Variants in FHOD1 observed in about 807,000 individuals in gnomAD.
FHOD1 encodes FH1/FH2 domain-containing protein 1.
In FHOD1, 89 loss-of-function variants were observed where a neutral mutation model predicts 111.6. That is an observed-to-expected ratio of 0.80 (90% CI 0.67 to 0.95). The LOEUF (loss-of-function observed/expected upper bound fraction) is 0.95. Among genes scored for constraint, FHOD1 ranks in the 40% least tolerant of loss-of-function variants. The pLI is 0.00. For synonymous variants in FHOD1, 618 were observed against 639.0 expected, an observed-to-expected ratio of 0.97 and a Z score of 0.50; for missense variants, 1,446 against 1,554.2, an observed-to-expected ratio of 0.93 and a Z score of 1.17.
chr16:67,238,908 A>G lies in FHOD1; in HGVS notation c.368T>C (p.Ile123Thr). 1 of 1,614,188 alleles carries G rather than the reference A, an allele frequency of 6.2e-7. No individual in the cohort carries two copies. Among genetic ancestry groups the G allele is most frequent in the Non-Finnish European group, 8.5e-7 (1 of 1,180,008 alleles). ...RTQLSVRVNA[I>T]LEKLYSSSGP... ...GGATGCTCTCACACACTCACCCAAG[A>G]TAGCGTTGACCCTCACAGAGAGCTG... Residue 123 changes from isoleucine to threonine, a missense_variant, in exon 3 of 22, where the codon ATC (isoleucine) becomes ACC (threonine). Physicochemically the swap from Ile to Thr is moderately conservative, Grantham distance 89. This residue lies in a region of FHOD1 where 234 missense variants were observed against 327.4 expected (regional missense o/e 0.71). Transcript: ENST00000258201. The surrounding 1 kb of genome is among the most constrained non-coding windows in gnomAD (Gnocchi z 4.2).
chr16:67,247,476 C>A lies in FHOD1; in HGVS notation c.-66G>T. On this transcript the variant is annotated 5_prime_UTR_variant, in exon 1 of 22. Transcript: ENST00000258201. Reference sequence around the variant, plus strand: ...GCCCCAGTGCAGCTTCTACTCAAAGCACACTGTAGCTCCGCGGTTCGGGCC... The same window carrying A: ...GCCCCAGTGCAGCTTCTACTCAAAGAACACTGTAGCTCCGCGGTTCGGGCC... The A allele has an allele frequency of 5.2e-6, 8 of 1,531,512 alleles. No individual in the cohort carries two copies. The highest frequency in any genetic ancestry group is 6.2e-6 in the Non-Finnish European group (7 of 1,126,642). 94.9% of individuals were successfully genotyped at this position (1,531,512 alleles called of 1,614,324 possible). A position where few individuals can be genotyped will look rare whatever the true frequency, so the allele number is the denominator to read the frequency against.
Position 67,237,129 on chromosome 16 carries a change from C to G in FHOD1, c.994-15G>C, listed in dbSNP as rs2034515266. Reference sequence around the variant, plus strand: ...TTCAGGGCGTTCTAGCAGAGGCGGACCAGGATGTAAGAAAGTGGTTAACGT... The same window carrying G: ...TTCAGGGCGTTCTAGCAGAGGCGGAGCAGGATGTAAGAAAGTGGTTAACGT... On this transcript the variant is annotated splice_polypyrimidine_tract_variant and intron_variant, in intron 9 of 21. Coordinates refer to ENST00000258201, the MANE Select transcript of FHOD1 (RefSeq NM_013241.3). The surrounding 1 kb of genome is among the most constrained non-coding windows in gnomAD (Gnocchi z 5.6). 3.1e-6 allele frequency: 5 copies of G among 1,605,388 alleles called. No homozygotes were observed. The African/African-American group carries it at 4.0e-5, about 13-fold the overall frequency.
chr16:67,245,167 T>C (rs545590053), intron 1 of FHOD1, among the ~76,000 whole-genome samples: 3 of 152,328 alleles, frequency 2.0e-5, no homozygotes, highest in South Asian at 2.1e-4. Flanking sequence ...TGTGGTAACC[T>C]AGTGTGCCAC....
Position 67,229,947 on chromosome 16 carries a change from G to A in FHOD1, c.3258C>T (p.Pro1086=). Residue 1086 remains proline (P), a synonymous_variant, in exon 21 of 22, where the codon CCC becomes CCT. Transcript: ENST00000258201. The part of the protein sequence containing the change: ...SSSPIMPTVG[P]STASPEEPPG... ...GGGGTTCTTCTGGGGATGCAGTGGA[G>A]GGCCCCACTGTGGGCATGATTGGGG... The A allele has an allele frequency of 2.5e-6, 4 of 1,614,222 alleles. No homozygotes were observed. Among genetic ancestry groups the A allele is most frequent in the Non-Finnish European group, 3.4e-6 (4 of 1,180,038 alleles).
At position 67,238,425 on chromosome 16, in the gene FHOD1, A is replaced by G. The variant is rs375840978; in HGVS notation, c.396T>C (p.Gly132=). Residue 132 remains glycine, a synonymous_variant, in exon 4 of 22, where the codon GGT becomes GGC. Transcript: ENST00000258201. The surrounding 1 kb of genome is among the most constrained non-coding windows in gnomAD (Gnocchi z 4.2). ...AILEKLYSSS[G]PELRRSLFSL... ...AGAAGAGGGAGCGGCGGAGCTCAGG[A>G]CCACTGGAGCTATACAGCTTTTCTG... 3.2e-5 allele frequency: 51 copies of G among 1,613,954 alleles called. No homozygotes were observed. The highest frequency in any genetic ancestry group is 4.2e-5 in the Non-Finnish European group (50 of 1,180,000).
intron 11 of FHOD1, 75 bp downstream of exon 11, chr16:67,236,482 G>C (rs754546948): frequency 1.6e-5 from 25 of 1,564,682 alleles, no homozygotes; most frequent in Non-Finnish European, 2.1e-5. Flanking sequence ...AGGAGGCTGA[G>C]TGCCCATGGA....
Position 67,240,530 on chromosome 16 carries a change from A to AAAAAC in FHOD1, c.202-1081_202-1077dup, listed in dbSNP as rs978830375. The stretch of plus-strand genomic sequence containing the variant: ...GGAGACAGAGTGAGACTCTGTCTCA[A>AAAAAC]AAAACAAAACAAAACAAAACACTTA... On this transcript the variant is annotated intron_variant, in intron 1 of 21. Coordinates refer to ENST00000258201, the MANE Select transcript of FHOD1 (RefSeq NM_013241.3). 5.9e-5 allele frequency among the ~76,000 whole-genome samples: 9 copies of AAAAAC among 152,324 alleles called. No homozygotes were observed. The South Asian group carries it at 6.2e-4, about 11-fold the overall frequency.
In FHOD1 at chr16:67,233,688, T is replaced by G; in HGVS notation, c.2015A>C (p.Glu672Ala). 6.2e-7 allele frequency: 1 copy of G among 1,605,378 alleles called. No individual in the cohort carries two copies. Among genetic ancestry groups the G allele is most frequent in the East Asian group, 2.2e-5 (1 of 44,592 alleles). Residue 672 changes from glutamate (E) to alanine (A), a missense_variant, in exon 13 of 22, where the codon GAG becomes GCG. This residue lies in a region of FHOD1 where 1,085 missense variants were observed against 1,108.8 expected (regional missense o/e 0.98). Coordinates refer to ENST00000258201, the MANE Select transcript of FHOD1 (RefSeq NM_013241.3). ...GGGCAGCACCTCTTTGGCACGAGAC[T>G]CAAAGAGGTGTTCCAGTCGGGCCGT... ...VDTARLEHLF[E>A]SRAKEVLPSK...
chr16:67,246,042 C>T (rs1567398347), intron 1 of FHOD1, among the ~76,000 whole-genome samples: 1 of 152,252 alleles, frequency 6.6e-6, no homozygotes, highest in African/African-American at 2.4e-5. Flanking sequence ...GTCCTGCATC[C>T]TTCCAGCCAT....
In FHOD1 at chr16:67,229,477, CACACACACTCACATGCAT is replaced by C. The variant is rs2034158006; in HGVS notation, c.*141_*158del. 1 of 669,030 alleles carries C rather than the reference CACACACACTCACATGCAT, an allele frequency of 1.5e-6. No homozygotes were observed. The highest frequency in any genetic ancestry group is 1.8e-5 in the African/African-American group (1 of 54,140). 41.4% of individuals were successfully genotyped at this position (669,030 alleles called of 1,614,324 possible). A position where few individuals can be genotyped will look rare whatever the true frequency, so the allele number is the denominator to read the frequency against. On this transcript the variant is annotated 3_prime_UTR_variant, in exon 22 of 22. Coordinates refer to ENST00000258201, the MANE Select transcript of FHOD1 (RefSeq NM_013241.3). ...GCATATGCATGCACACACACACATACACACACACTCACATGCATACACACACGGCTAATACTGCTCAAG... is the reference window on the plus strand; with the variant it reads ...GCATATGCATGCACACACACACATACACACACACGGCTAATACTGCTCAAG...
At position 67,231,037 on chromosome 16, in the gene FHOD1, G is replaced by A; in HGVS notation, c.2667+151C>T. 1.9e-6 allele frequency: 2 copies of A among 1,055,802 alleles called. No homozygotes were observed. The highest frequency in any genetic ancestry group is 1.6e-5 in the African/African-American group (1 of 62,520). The allele number at this position is 1,055,802 out of a possible 1,614,324, so 65.4% of individuals were successfully genotyped here. On this transcript the variant is annotated intron_variant, in intron 17 of 21. Transcript: ENST00000258201. The surrounding 1 kb of genome is among the most constrained non-coding windows in gnomAD (Gnocchi z 4.3). ...TGTGGCCAGGCCAATAGAGGAAAGA[G>A]CATTTCTGGCAGAGGGCATAGCTCA...
intron 13 of FHOD1, among the ~76,000 whole-genome samples, chr16:67,233,372 C>A (rs992738097): frequency 6.6e-6 from 1 of 152,130 alleles, no homozygotes; most frequent in Non-Finnish European, 1.5e-5. Context: ...AGGCATGAGC[C>A]ACTACACCCA....
At position 67,238,174 on chromosome 16, in the gene FHOD1, G is replaced by A. The variant is rs758098114; in HGVS notation, c.547+28C>T. 6 of 1,614,136 alleles carry A rather than the reference G, an allele frequency of 3.7e-6. No individual in the cohort carries two copies. The South Asian group carries it at 6.6e-5, about 18-fold the overall frequency. ...AGAGTCAGCGAGGGTCGCTGGAGCA[G>A]AGGTCATGGGAGAGGGGCGGGGCTG... On this transcript the variant is annotated intron_variant, in intron 5 of 21. Transcript: ENST00000258201. This position sits in a 1 kb window ranked among gnomAD's most constrained non-coding sequence, Gnocchi z 4.2.
chr16:67,245,076 A>C (rs529832304), intron 1 of FHOD1, among the ~76,000 whole-genome samples: 74 of 152,092 alleles, frequency 4.9e-4, no homozygotes, highest in Admixed American at 1.4e-3. Context: ...GTCATAGTTT[A>C]TATTTGGGTT....
chr16:67,234,327 C>A (rs1404487510), intron 12 of FHOD1, 30 bp downstream of exon 12: 1 of 1,605,008 alleles, frequency 6.2e-7, no homozygotes. Context: ...AAGCAACAGG[C>A]AGGCTCTGCC....
intron 1 of FHOD1, among the ~76,000 whole-genome samples, chr16:67,239,947 G>A (rs1323798034): frequency 6.6e-6 from 1 of 152,216 alleles, no homozygotes; most frequent in Non-Finnish European, 1.5e-5. Context: ...AAGATGGGAG[G>A]AAGTTCCTGC....
At position 67,236,415 on chromosome 16, in the gene FHOD1, C is replaced by T. The variant is rs1226153049; in HGVS notation, c.1319+142G>A. On this transcript the variant is annotated intron_variant, in intron 11 of 21. Coordinates refer to ENST00000258201, the MANE Select transcript of FHOD1 (RefSeq NM_013241.3). ...CACCCGCTGGCAGTCACTTACCAAA[C>T]GGAAGCAGTTTGGTGAAGTCTGGAA... 4.1e-6 allele frequency: 6 copies of T among 1,475,958 alleles called. No homozygotes were observed. The African/African-American group carries it at 4.2e-5, about 10-fold the overall frequency. 91.4% of individuals were successfully genotyped at this position (1,475,958 alleles called of 1,614,324 possible).
Position 67,229,486 on chromosome 16 carries a change from T to G in FHOD1, c.*150A>C. ...TGCACACACACACATACACACACAC[T>G]CACATGCATACACACACGGCTAATA... On this transcript the variant is annotated 3_prime_UTR_variant, in exon 22 of 22. Transcript: ENST00000258201. 1.4e-6 allele frequency: 1 copy of G among 695,098 alleles called. No homozygotes were observed. The highest frequency in any genetic ancestry group is 2.6e-6 in the Non-Finnish European group (1 of 385,162). The allele number at this position is 695,098 out of a possible 1,614,324, so 43.1% of individuals were successfully genotyped here.
At position 67,237,722 on chromosome 16, in the gene FHOD1, A is replaced by G; in HGVS notation, c.689T>C (p.Val230Ala). Residue 230 changes from valine (V) to alanine (A), a missense_variant, in exon 7 of 22, where the codon GTA becomes GCA. Around this residue, in one of 3 missense-constraint regions of FHOD1, gnomAD observed 234 missense variants for 327.4 expected, o/e 0.71. Transcript: ENST00000258201. This position sits in a 1 kb window ranked among gnomAD's most constrained non-coding sequence, Gnocchi z 5.6. The stretch of plus-strand genomic sequence containing the variant: ...CGGTGCGTTGTTTTCGGAGTATTCT[A>G]CAAACACCAACAGCAGCTTCAGGGC... ...KTALKLLLVF[V>A]EYSENNAPLF... 6.2e-7 allele frequency: 1 copy of G among 1,614,208 alleles called. No individual in the cohort carries two copies. The highest frequency in any genetic ancestry group is 8.5e-7 in the Non-Finnish European group (1 of 1,180,036).
Sources: allele counts gnomAD v4.1 joint callset (sites outside exome capture counted in the v4.1 genomes callset), GRCh38; gene constraint gnomAD v4.1.1; regional missense constraint gnomAD v4.1.1; non-coding constraint Gnocchi (gnomAD v3.1); transcripts MANE v1.5; gene names NCBI Gene and HGNC (gene_info 2026-07-23, HGNC 2026-07-21).